The following KCNH8 variants were observed in gnomAD, a reference collection of about 807,000 sequenced individuals.
The protein encoded by KCNH8 is potassium voltage-gated channel subfamily H member 8.
KCNH8 carries 70 observed loss-of-function variants against 103.6 expected under a neutral mutation model. The ratio of observed to expected loss-of-function variants is 0.68; its 90% CI spans 0.56 to 0.82. The LOEUF (loss-of-function observed/expected upper bound fraction) is 0.82. Ranked by LOEUF, KCNH8 falls within the 40% of genes least tolerant of loss-of-function variation. KCNH8 has a pLI of 0.00. For missense variants in KCNH8, 1,217 were observed against 1,329.9 expected (o/e 0.92, Z 1.32); for synonymous variants, 498 against 489.4 (o/e 1.02, Z -0.23).
At chr3:19,503,665 AACT>A (rs1048092354) in intron 11 of KCNH8, among the ~76,000 whole-genome samples, 39 of 152,082 alleles carry the variant, frequency 2.6e-4, no homozygotes, top group African/African-American at 9.2e-4. Context: ...ATTCTCAGTA[AACT>A]ATCTCAAGAA....
rs1422876903 is a variant in KCNH8 at position 19,533,895 on chromosome 3, A to T, written c.3120A>T (p.Thr1040=). The T allele has an allele frequency of 3.7e-6, 6 of 1,614,006 alleles. No homozygotes were observed. The highest frequency in any genetic ancestry group is 5.1e-6 in the Non-Finnish European group (6 of 1,180,028). Residue 1040 remains threonine (T), a synonymous_variant, in exon 16 of 16, where the codon ACA becomes ACT. Coordinates refer to ENST00000328405, the MANE Select transcript of KCNH8 (RefSeq NM_144633.3). The stretch of plus-strand genomic sequence containing the variant: ...CTTCTGTCTGCTCCTCTTCGGAAAC[A>T]TCTTTGCACCTAGTTCTCCCAAGCA... The part of the protein sequence containing the change: ...LSSSVCSSSE[T]SLHLVLPSRS...
At chr3:19,452,945 T>C (rs1472450503) in intron 10 of KCNH8, among the ~76,000 whole-genome samples, 2 of 152,178 alleles carry the variant, frequency 1.3e-5, no homozygotes, top group African/African-American at 4.8e-5. Context: ...CAATATGGAA[T>C]CAACCTAAGT....
chr3:19,474,963 A>G lies in KCNH8; in HGVS notation c.2040+17981A>G, dbSNP rs185271209. ...AAATAGGATTCTATCAAAAAGAGCA[A>G]TGAAGAGGATCCAGAAATCCTGACT... On this transcript the variant is annotated intron_variant, in intron 11 of 15. Coordinates refer to ENST00000328405, the MANE Select transcript of KCNH8 (RefSeq NM_144633.3). 7.3e-4 allele frequency among the ~76,000 whole-genome samples: 111 copies of G among 152,320 alleles called. No homozygotes were observed. In the East Asian group the frequency reaches 0.012, roughly 17 times the overall value.
intron 7 of KCNH8, among the ~76,000 whole-genome samples, chr3:19,406,379 T>G (rs993214662): frequency 1.3e-5 from 2 of 152,136 alleles, no homozygotes; most frequent in African/African-American, 2.4e-5. Context: ...TCACTTTACA[T>G]GCAACTTTTC....
At chr3:19,477,758 T>C (rs956389373) in intron 11 of KCNH8, among the ~76,000 whole-genome samples, 6 of 152,182 alleles carry the variant, frequency 3.9e-5, no homozygotes, top group Non-Finnish European at 5.9e-5. Context: ...ATCAAATACA[T>C]CTTCTTCTTT....
intron 11 of KCNH8, among the ~76,000 whole-genome samples, chr3:19,485,613 T>C (rs1326154142): frequency 6.6e-6 from 1 of 152,206 alleles, no homozygotes; most frequent in Non-Finnish European, 1.5e-5. Context: ...CTCCTTTTAT[T>C]ACTTGCCCCC....
chr3:19,248,623 A>G (rs572841039), intron 1 of KCNH8, among the ~76,000 whole-genome samples: 5 of 152,332 alleles, frequency 3.3e-5, no homozygotes, highest in African/African-American at 1.2e-4. Flanking sequence ...TAGTAAAATA[A>G]GTCACATAGA....
chr3:19,385,300 C>A (rs985124891), intron 5 of KCNH8, among the ~76,000 whole-genome samples: 23 of 151,964 alleles, frequency 1.5e-4, no homozygotes, highest in African/African-American at 5.3e-4. Flanking sequence ...ACTATATGCA[C>A]CCCCAAAAGA....
At chr3:19,299,679 A>G (rs1389950150) in intron 3 of KCNH8, among the ~76,000 whole-genome samples, 1 of 152,046 alleles carries the variant, frequency 6.6e-6, no homozygotes, top group African/African-American at 2.4e-5. Context: ...AAAATAAAAA[A>G]GTTTTAATGT....
At chr3:19,193,758 C>A (rs995695490) in intron 1 of KCNH8, among the ~76,000 whole-genome samples, 1 of 151,700 alleles carries the variant, frequency 6.6e-6, no homozygotes, top group Non-Finnish European at 1.5e-5. Flanking sequence ...CTCCTCAAAG[C>A]AAGCATTGTT....
chr3:19,359,308 TAAG>T (rs983700034), intron 5 of KCNH8, among the ~76,000 whole-genome samples: 38 of 151,972 alleles, frequency 2.5e-4, no homozygotes, highest in Admixed American at 5.9e-4. Context: ...AAGAAACTAT[TAAG>T]AAGATATAAC....
intron 3 of KCNH8, among the ~76,000 whole-genome samples, chr3:19,318,099 T>A (rs1021789198): frequency 6.6e-6 from 1 of 151,762 alleles, no homozygotes; most frequent in Non-Finnish European, 1.5e-5. Context: ...CCCCCAAGCT[T>A]CTTAAGCTGA....
intron 11 of KCNH8, 21 bp from the exon 12 acceptor site, chr3:19,510,342 T>C (rs759503349): frequency 2.7e-6 from 4 of 1,494,642 alleles, no homozygotes; most frequent in Middle Eastern, 1.7e-4. Flanking sequence ...AAATGATTAA[T>C]ACTTCTGTTT....
At chr3:19,420,090 G>A (rs1414210974) in intron 7 of KCNH8, among the ~76,000 whole-genome samples, 2 of 152,002 alleles carry the variant, frequency 1.3e-5, no homozygotes, top group Admixed American at 6.6e-5. Context: ...CTAAAGTACC[G>A]CCTGTAAAAT....
chr3:19,438,506 C>A (rs1359070253), intron 8 of KCNH8, 145 bp downstream of exon 8: 2 of 690,818 alleles, frequency 2.9e-6, no homozygotes. Flanking sequence ...AGTCTAGATG[C>A]AAAGCTGTAG....
At chr3:19,196,743 A>G (rs1390630359) in intron 1 of KCNH8, among the ~76,000 whole-genome samples, 5 of 152,068 alleles carry the variant, frequency 3.3e-5, no homozygotes, top group Non-Finnish European at 7.4e-5. Flanking sequence ...GAATCCAAAA[A>G]AATCCAACTA....
chr3:19,300,550 A>G (rs2065052369), intron 3 of KCNH8, among the ~76,000 whole-genome samples: 2 of 152,194 alleles, frequency 1.3e-5, no homozygotes, highest in Non-Finnish European at 2.9e-5. Flanking sequence ...TTTAGAAAAC[A>G]AAAAATATGC....
At position 19,334,384 on chromosome 3, in the gene KCNH8, A is replaced by G. The variant is rs2125312189; in HGVS notation, c.443-8203A>G. 2.0e-5 allele frequency among the ~76,000 whole-genome samples: 3 copies of G among 152,252 alleles called. No homozygotes were observed. The Middle Eastern group carries it at 0.01, about 518-fold the overall frequency. On this transcript the variant is annotated intron_variant, in intron 3 of 15. Coordinates refer to ENST00000328405, the MANE Select transcript of KCNH8 (RefSeq NM_144633.3). ...GAGGTCGAGGCTATAGCTTGCGATG[A>G]TTGCACCTATGAATAGCCACTGGAC...
chr3:19,180,272 CCAAGACAGACTTGGCCCTTCAAAGG>C (rs2063438855), intron 1 of KCNH8, among the ~76,000 whole-genome samples: 1 of 147,070 alleles, frequency 6.8e-6, no homozygotes, highest in Non-Finnish European at 1.5e-5. Context: ...CTTCAAAGGG[CCAAGACAGACTTGGCCCTTCAAAGG>C]GCCAAGACTC....
Sources: allele counts gnomAD v4.1 joint callset (sites outside exome capture counted in the v4.1 genomes callset), GRCh38; gene constraint gnomAD v4.1.1; transcripts MANE v1.5; gene names NCBI Gene and HGNC (gene_info 2026-07-23, HGNC 2026-07-21).